Variants in UBE2H observed in about 807,000 individuals in gnomAD.
UBE2H encodes the protein ubiquitin-conjugating enzyme E2 H.
A neutral mutation model predicts 29.0 loss-of-function variants in UBE2H; 3 were observed. The observed-to-expected ratio is 0.10, with a 90% CI of 0.05 to 0.27. The LOEUF is 0.27. Ranked by LOEUF, UBE2H falls within the 10% of genes least tolerant of loss-of-function variation. The pLI is 1.00. For synonymous variants in UBE2H, 69 were observed against 82.9 expected (o/e 0.83, Z 0.91); for missense variants, 68 against 228.2 (o/e 0.30, Z 4.52).
chr7:129,868,609 A>AAAAAG (rs1563027996), intron 3 of UBE2H, among the ~76,000 whole-genome samples: 1 of 150,868 alleles, frequency 6.6e-6, no homozygotes, highest in Non-Finnish European at 1.5e-5. Context: ...AAAAAAAAAA[A>AAAAAG]AAAGAAAGAA....
chr7:129,833,538 C>CT lies in UBE2H; in HGVS notation c.*1398dup. ...TGCAGCAACCTGGACATATGGTTAGCTGAGTCGACATTTGATTAGCAGGCA... is the reference window on the plus strand; with the variant it reads ...TGCAGCAACCTGGACATATGGTTAGCTTGAGTCGACATTTGATTAGCAGGCA... On this transcript the variant is annotated 3_prime_UTR_variant, in exon 7 of 7. Transcript: ENST00000355621. 1 of 152,174 alleles carries CT rather than the reference C, an allele frequency of 6.6e-6. No individual in the cohort carries two copies. Among genetic ancestry groups the CT allele is most frequent in the Non-Finnish European group, 1.5e-5 (1 of 68,030 alleles). 9.4% of individuals were successfully genotyped at this position (152,174 alleles called of 1,614,324 possible).
rs577054992 is a variant in UBE2H, at chr7:129,950,161, G to C, written c.53+2342C>G. 6.6e-5 allele frequency among the ~76,000 whole-genome samples: 10 copies of C among 152,238 alleles called. No individual in the cohort carries two copies. In the East Asian group the frequency reaches 1.9e-3, roughly 29 times the overall value. On this transcript the variant is annotated intron_variant, in intron 1 of 6. Coordinates refer to ENST00000355621, the MANE Select transcript of UBE2H (RefSeq NM_003344.4). The stretch of plus-strand genomic sequence containing the variant: ...ACACAACACACACAAAAGGAAATCC[G>C]AAACATTTTAACTTCCAAACTCCAT...
At chr7:129,930,934 C>A (rs1259881377) in intron 1 of UBE2H, among the ~76,000 whole-genome samples, 493 of 71,568 alleles carry the variant, frequency 6.9e-3, no homozygotes, top group African/African-American at 7.6e-3. Flanking sequence ...AAAAAAAAAA[C>A]AAGGCCGGGC....
At chr7:129,945,537 G>T (rs573756256) in intron 1 of UBE2H, among the ~76,000 whole-genome samples, 1 of 152,114 alleles carries the variant, frequency 6.6e-6, no homozygotes, top group Non-Finnish European at 1.5e-5. Flanking sequence ...ACAAGAGCCC[G>T]CTGAGTGTAG....
intron 1 of UBE2H, among the ~76,000 whole-genome samples, chr7:129,952,011 G>C (rs1807886541): frequency 1.3e-5 from 2 of 152,126 alleles, no homozygotes; most frequent in Non-Finnish European, 2.9e-5. Flanking sequence ...AAGGAATTAG[G>C]GATAAAAGAG....
chr7:129,952,819 TC>T lies in UBE2H; in HGVS notation c.-265del, dbSNP rs1807912078. 3.5e-6 allele frequency: 1 copy of T among 282,378 alleles called. No homozygotes were observed. Among genetic ancestry groups the T allele is most frequent in the East Asian group, 6.3e-5 (1 of 15,876 alleles). The allele number at this position is 282,378 out of a possible 1,614,324, so 17.5% of individuals were successfully genotyped here. A position where few individuals can be genotyped will look rare whatever the true frequency, so the allele number is the denominator to read the frequency against. ...TTCCGCCGCGGCCCTGCCCCGGCGCTCCTCTGCGCCGCGCGACGCTCCCTCC... is the reference window on the plus strand; with the variant it reads ...TTCCGCCGCGGCCCTGCCCCGGCGCTCTCTGCGCCGCGCGACGCTCCCTCC... On this transcript the variant is annotated 5_prime_UTR_variant, in exon 1 of 7. Coordinates refer to ENST00000355621, the MANE Select transcript of UBE2H (RefSeq NM_003344.4).
intron 5 of UBE2H, chr7:129,857,157 A>C (rs1228697094): frequency 5.4e-6 from 1 of 185,762 alleles, no homozygotes; most frequent in East Asian, 1.4e-4. Flanking sequence ...GACATTCCTA[A>C]GTAGTTTTAG....
At chr7:129,944,748 A>G (rs113295692) in intron 1 of UBE2H, among the ~76,000 whole-genome samples, 14,827 of 140,110 alleles carry the variant, frequency 0.11, 901 homozygotes, top group East Asian at 0.26. Context: ...ACACACACAC[A>G]CACGCACGCA....
In UBE2H at chr7:129,833,242, CT is replaced by C. The variant is rs1805263416; in HGVS notation, c.*1694del. On this transcript the variant is annotated 3_prime_UTR_variant, in exon 7 of 7. Coordinates refer to ENST00000355621, the MANE Select transcript of UBE2H (RefSeq NM_003344.4). ...ATTTTCAAACAAAAGATTGATTGTG[CT>C]TTTTGAATAAAAAAGATAGGGTATC... 1 of 152,516 alleles carries C rather than the reference CT, an allele frequency of 6.6e-6. No individual in the cohort carries two copies. The highest frequency in any genetic ancestry group is 2.4e-5 in the African/African-American group (1 of 41,424). The allele number at this position is 152,516 out of a possible 1,614,324, so 9.4% of individuals were successfully genotyped here.
chr7:129,859,104 T>C, intron 3 of UBE2H, 163 bp from the exon 4 acceptor site: 1 of 598,236 alleles, frequency 1.7e-6, no homozygotes, highest in Non-Finnish European at 2.9e-6. Flanking sequence ...ATTCTCCTGA[T>C]AGCTCCAATT....
intron 1 of UBE2H, among the ~76,000 whole-genome samples, chr7:129,890,286 C>T (rs1051248533): frequency 8.7e-5 from 13 of 149,770 alleles, no homozygotes; most frequent in Admixed American, 4.0e-4. Context: ...TATATATATA[C>T]ACGTGTATAT....
chr7:129,847,279 A>G (rs2116288051), intron 5 of UBE2H, among the ~76,000 whole-genome samples: 1 of 152,276 alleles, frequency 6.6e-6, no homozygotes, highest in South Asian at 2.1e-4. Flanking sequence ...TCTCAGGGTG[A>G]TCCATCCACC....
At chr7:129,912,464 C>T (rs1806956184) in intron 1 of UBE2H, among the ~76,000 whole-genome samples, 1 of 152,168 alleles carries the variant, frequency 6.6e-6, no homozygotes, top group Non-Finnish European at 1.5e-5. Context: ...GATCCTCCCA[C>T]CTCAGCCTCC....
intron 1 of UBE2H, among the ~76,000 whole-genome samples, chr7:129,911,134 G>A (rs1806928356): frequency 2.0e-5 from 3 of 152,156 alleles, no homozygotes; most frequent in Non-Finnish European, 4.4e-5. Flanking sequence ...GGAGGCCAAG[G>A]CGCGCAGATC....
intron 1 of UBE2H, among the ~76,000 whole-genome samples, chr7:129,942,601 C>T (rs1807670382): frequency 6.6e-6 from 1 of 152,148 alleles, no homozygotes; most frequent in African/African-American, 2.4e-5. Context: ...TGAGTTTATT[C>T]CATGTGAAAA....
intron 5 of UBE2H, among the ~76,000 whole-genome samples, chr7:129,846,555 C>G (rs1315110919): frequency 2.6e-5 from 2 of 76,026 alleles, no homozygotes; most frequent in Non-Finnish European, 5.3e-5. Context: ...AAGACCCTCT[C>G]TCTACCACCC....
At chr7:129,874,556 G>A (rs773206953) in intron 3 of UBE2H, among the ~76,000 whole-genome samples, 2 of 152,218 alleles carry the variant, frequency 1.3e-5, no homozygotes, top group South Asian at 2.1e-4. Flanking sequence ...TGATCCACCC[G>A]CCTCGGCCTC....
rs550982889 is a variant in UBE2H, at chr7:129,925,583, T to C, written c.53+26920A>G. Among the ~76,000 whole-genome samples, 23 of 152,322 alleles carry C rather than the reference T, an allele frequency of 1.5e-4. No homozygotes were observed. In the South Asian group the frequency reaches 4.8e-3, roughly 32 times the overall value. On this transcript the variant is annotated intron_variant, in intron 1 of 6. Coordinates refer to ENST00000355621, the MANE Select transcript of UBE2H (RefSeq NM_003344.4). ...CTTACTATCAAAACCCCGATTGTATTCAGGGCAGTCAAAGAGCCTTGTTTC... is the reference window on the plus strand; with the variant it reads ...CTTACTATCAAAACCCCGATTGTATCCAGGGCAGTCAAAGAGCCTTGTTTC...
intron 1 of UBE2H, among the ~76,000 whole-genome samples, chr7:129,887,681 C>CCCAGCA (rs1432690311): frequency 8.2e-5 from 11 of 133,642 alleles, no homozygotes; most frequent in Admixed American, 2.2e-4. Context: ...GCTCACACCT[C>CCCAGCA]CTGAGGTCGG....
Sources: allele counts gnomAD v4.1 joint callset (sites outside exome capture counted in the v4.1 genomes callset), GRCh38; gene constraint gnomAD v4.1.1; transcripts MANE v1.5; gene names NCBI Gene and HGNC (gene_info 2026-07-23, HGNC 2026-07-21).